The following RASGEF1B variants were observed in gnomAD, a reference collection of about 807,000 sequenced individuals.
The protein encoded by RASGEF1B is RasGEF domain family member 1B.
A neutral mutation model predicts 65.7 loss-of-function variants in RASGEF1B; 30 were observed. The ratio of observed to expected loss-of-function variants is 0.46; its 90% CI spans 0.34 to 0.62. The LOEUF is 0.62. RASGEF1B is among the 20% of genes least tolerant of loss of function. The pLI is 0.01. For missense variants in RASGEF1B, 495 were observed against 580.1 expected (o/e 0.85, Z 1.51); for synonymous variants, 175 against 194.8 (o/e 0.90, Z 0.85).
rs757058986 is a variant in RASGEF1B at position 81,440,958 on chromosome 4, CTATT to C, written c.1009-33_1009-30del. 1.9e-5 allele frequency: 26 copies of C among 1,398,336 alleles called. No homozygotes were observed. The South Asian group carries it at 3.0e-4, about 16-fold the overall frequency. The allele number at this position is 1,398,336 out of a possible 1,614,324, so 86.6% of individuals were successfully genotyped here. ...TAGATAAAAGAGAGAAGAATATTAA[CTATT>C]TATTTATTGTAAACTTCTGTAGGAA... On this transcript the variant is annotated intron_variant, in intron 9 of 13. Coordinates refer to ENST00000264400, the MANE Select transcript of RASGEF1B (RefSeq NM_152545.3).
intron 4 of RASGEF1B, chr4:81,452,439 G>A (rs1356376919): frequency 2.0e-5 from 3 of 152,180 alleles, no homozygotes; most frequent in African/African-American, 7.2e-5. Flanking sequence ...AATTTACTGG[G>A]GGAAGAGGCA....
At chr4:81,433,798 G>A (rs1259005151) in intron 12 of RASGEF1B, 42 bp downstream of exon 12, 1 of 1,604,136 alleles carries the variant, frequency 6.2e-7, no homozygotes. Context: ...CTAAATGAAG[G>A]ATTTGGGGAT....
intron 4 of RASGEF1B, chr4:81,456,413 T>G: frequency 1.6e-6 from 1 of 627,552 alleles, no homozygotes; most frequent in South Asian, 1.8e-5. Flanking sequence ...TGTGCATGAG[T>G]TGACATGAAC....
chr4:81,466,566 T>G (rs374850265), intron 1 of RASGEF1B, among the ~76,000 whole-genome samples: 1 of 151,876 alleles, frequency 6.6e-6, no homozygotes, highest in Non-Finnish European at 1.5e-5. Flanking sequence ...GAGACCATCC[T>G]GGCTAACACG....
chr4:81,435,519 A>G (rs1578613545), intron 10 of RASGEF1B, among the ~76,000 whole-genome samples: 1 of 105,144 alleles, frequency 9.5e-6, no homozygotes, highest in African/African-American at 3.7e-5. Context: ...CCCAGGCTGG[A>G]GTGCAGTAGT....
chr4:81,433,841 A>G lies in RASGEF1B; in HGVS notation c.1323T>C (p.Asp441=), dbSNP rs1721516681. ...GTAGCTCCTATTGAATGGCCTTACC[A>G]TCTTCACTGAAGACTGGTACTGTGA... ...YLLTVPVFSE[D]ALYLASYESE... Residue 441 remains aspartate (D), a splice_region_variant and synonymous_variant, in exon 12 of 14, where the codon GAT becomes GAC. Transcript: ENST00000264400. The G allele has an allele frequency of 1.5e-5, 24 of 1,613,860 alleles. No homozygotes were observed. The highest frequency in any genetic ancestry group is 2.0e-5 in the Non-Finnish European group (24 of 1,179,924).
chr4:81,451,877 A>C (rs1578630395), intron 4 of RASGEF1B: 2 of 152,148 alleles, frequency 1.3e-5, no homozygotes, highest in African/African-American at 4.8e-5. Context: ...TGCAGAAAAT[A>C]CTTTAGTAAG....
At chr4:81,450,043 C>T (rs1162332149) in intron 4 of RASGEF1B, among the ~76,000 whole-genome samples, 1 of 152,074 alleles carries the variant, frequency 6.6e-6, no homozygotes, top group Non-Finnish European at 1.5e-5. Flanking sequence ...GACAAAAATC[C>T]CACCTTCCAT....
chr4:81,449,078 C>T (rs569957688), intron 4 of RASGEF1B, among the ~76,000 whole-genome samples: 31 of 152,250 alleles, frequency 2.0e-4, no homozygotes, highest in African/African-American at 7.0e-4. Context: ...TCCCAAAGTG[C>T]GGGGATTACA....
intron 1 of RASGEF1B, among the ~76,000 whole-genome samples, chr4:81,460,048 A>G (rs969081647): frequency 2.0e-5 from 3 of 152,262 alleles, no homozygotes; most frequent in African/African-American, 7.2e-5. Context: ...ATATATGTAT[A>G]TGTGTACACA....
intron 13 of RASGEF1B, 36 bp from the exon 14 acceptor site, chr4:81,427,828 G>A: frequency 6.2e-7 from 1 of 1,600,798 alleles, no homozygotes; most frequent in Non-Finnish European, 8.5e-7. Flanking sequence ...AAGACAGAAT[G>A]TAACAGACTA....
intron 10 of RASGEF1B, among the ~76,000 whole-genome samples, chr4:81,435,495 G>A (rs1240797824): frequency 1.8e-5 from 2 of 113,344 alleles, no homozygotes; most frequent in African/African-American, 7.1e-5. Context: ...TTGAGATGGA[G>A]TCTCGCTCTG....
At chr4:81,442,865 C>T (rs2109975969) in intron 8 of RASGEF1B, among the ~76,000 whole-genome samples, 1 of 152,330 alleles carries the variant, frequency 6.6e-6, no homozygotes, top group South Asian at 2.1e-4. Flanking sequence ...ATTCTTAGCT[C>T]ACTGGTCATA....
chr4:81,430,617 G>A (rs1031818138), intron 13 of RASGEF1B, among the ~76,000 whole-genome samples: 3 of 152,166 alleles, frequency 2.0e-5, no homozygotes, highest in Non-Finnish European at 4.4e-5. Flanking sequence ...CTGAAGAAGG[G>A]AGCCACACCA....
At position 81,429,732 on chromosome 4, in the gene RASGEF1B, C is replaced by T. The variant is rs1321889931; in HGVS notation, c.1398-1940G>A. On this transcript the variant is annotated intron_variant, in intron 13 of 13. Coordinates refer to ENST00000264400, the MANE Select transcript of RASGEF1B (RefSeq NM_152545.3). The stretch of plus-strand genomic sequence containing the variant: ...GCACACTGGTAGAAGGGCACGCCGG[C>T]AGGGCACACCGAAAGATGCCAGCAC... 3.3e-5 allele frequency among the ~76,000 whole-genome samples: 5 copies of T among 152,324 alleles called. No individual in the cohort carries two copies. In the East Asian group the frequency reaches 5.8e-4, roughly 18 times the overall value.
chr4:81,427,458 G>A lies in RASGEF1B; in HGVS notation c.*310C>T. ...ACACACAAAAGAAAACTCCATCCAG[G>A]TGCAGAGCTGTGATTCACATGGAAA... On this transcript the variant is annotated 3_prime_UTR_variant, in exon 14 of 14. Transcript: ENST00000264400. 2 of 354,084 alleles carry A rather than the reference G, an allele frequency of 5.6e-6. No homozygotes were observed. The highest frequency in any genetic ancestry group is 1.0e-5 in the Non-Finnish European group (2 of 198,608). 21.9% of individuals were successfully genotyped at this position (354,084 alleles called of 1,614,324 possible). A position where few individuals can be genotyped will look rare whatever the true frequency, so the allele number is the denominator to read the frequency against.
At chr4:81,431,617 A>G (rs1721429858) in intron 13 of RASGEF1B, among the ~76,000 whole-genome samples, 1 of 152,204 alleles carries the variant, frequency 6.6e-6, no homozygotes, top group Non-Finnish European at 1.5e-5. Context: ...CCACAAAAAT[A>G]AGAGAAAATG....
Position 81,426,637 on chromosome 4 carries a change from A to T in RASGEF1B, c.*1131T>A, listed in dbSNP as rs1460862105. The T allele has an allele frequency of 6.6e-6, 1 of 152,242 alleles. No homozygotes were observed. Among genetic ancestry groups the T allele is most frequent in the Non-Finnish European group, 1.5e-5 (1 of 68,040 alleles). The allele number at this position is 152,242 out of a possible 1,614,324, so 9.4% of individuals were successfully genotyped here. On this transcript the variant is annotated 3_prime_UTR_variant, in exon 14 of 14. Transcript: ENST00000264400. ...CTGTTTGCAGAGCGACTACAGACTT[A>T]CTTAGATGTTTAACAAGGTGAACGA...
At chr4:81,464,837 C>A (rs1722753071) in intron 1 of RASGEF1B, among the ~76,000 whole-genome samples, 1 of 152,116 alleles carries the variant, frequency 6.6e-6, no homozygotes, top group South Asian at 2.1e-4. Flanking sequence ...GTAATCCCAG[C>A]ACTTCGGGAG....
Sources: gnomAD v4.1 joint callset for allele counts (sites outside exome capture counted in the v4.1 genomes callset) on GRCh38, gnomAD v4.1.1 for gene constraint, MANE v1.5 for transcripts, NCBI Gene and HGNC (gene_info 2026-07-23, HGNC 2026-07-21) for gene names.